Variants in NTN1 observed in about 807,000 individuals in gnomAD.
NTN1 encodes the protein netrin-1.
Under a neutral mutation model 54.2 loss-of-function variants are expected in NTN1, and 11 were observed. That is an observed-to-expected ratio of 0.20 (90% CI 0.13 to 0.34). The LOEUF (loss-of-function observed/expected upper bound fraction) is 0.34, where lower values mean the gene tolerates loss of function less well. Among genes scored for constraint, NTN1 ranks in the 10% least tolerant of loss-of-function variants. The pLI, the probability that NTN1 is intolerant of heterozygous loss-of-function variation, is 1.00. For missense variants in NTN1, 740 were observed against 893.1 expected (o/e 0.83, Z 2.18); for synonymous variants, 371 against 382.0 (o/e 0.97, Z 0.33).
intron 2 of NTN1, among the ~76,000 whole-genome samples, chr17:9,140,231 C>T (rs1320134767): frequency 6.6e-6 from 1 of 152,038 alleles, no homozygotes; most frequent in Non-Finnish European, 1.5e-5. Context: ...TGCTCTGGGC[C>T]ACCAGGAAAG....
rs2142297131 is a variant in NTN1, at chr17:9,160,909, A to G, written c.1019-1904A>G. On this transcript the variant is annotated intron_variant, in intron 2 of 6. Transcript: ENST00000173229. ...GAGACAGAGGTCTCAGTGAGCCAAG[A>G]TCTGTGCCATTGCACTCCAGCCTGG... Among the ~76,000 whole-genome samples the G allele has an allele frequency of 2.6e-5, 4 of 152,328 alleles. No individual in the cohort carries two copies. The Middle Eastern group carries it at 0.01, about 389-fold the overall frequency.
At chr17:9,010,208 A>G in the NTN1 span, among the ~76,000 whole-genome samples, 2 of 152,214 alleles carry the variant, frequency 1.3e-5, 1 homozygote, top group African/African-American at 4.8e-5. Flanking sequence ...ACCTAAGGTT[A>G]TAAAGTCTTG....
intron 2 of NTN1, among the ~76,000 whole-genome samples, chr17:9,145,194 A>G (rs2092310022): frequency 6.6e-6 from 1 of 152,224 alleles, no homozygotes; most frequent in African/African-American, 2.4e-5. Context: ...CTGGGGAATT[A>G]GCCACATCCA....
intron 2 of NTN1, among the ~76,000 whole-genome samples, chr17:9,053,799 A>G (rs2091968622): frequency 6.6e-6 from 1 of 152,252 alleles, no homozygotes; most frequent in South Asian, 2.1e-4. Context: ...AACCCAAATG[A>G]AATGACCAGC....
At chr17:9,038,800 T>A (rs2091911945) in intron 2 of NTN1, among the ~76,000 whole-genome samples, 1 of 152,152 alleles carries the variant, frequency 6.6e-6, no homozygotes, top group South Asian at 2.1e-4. Flanking sequence ...TTCATTAAAT[T>A]TTTTTAAACT....
At chr17:9,082,241 A>C (rs1216805179) in intron 2 of NTN1, among the ~76,000 whole-genome samples, 1 of 152,024 alleles carries the variant, frequency 6.6e-6, no homozygotes, top group Non-Finnish European at 1.5e-5. Flanking sequence ...TTGTATTTTT[A>C]ATAGAGACGG....
intron 5 of NTN1, among the ~76,000 whole-genome samples, chr17:9,213,060 C>A (rs1310607449): frequency 4.6e-5 from 7 of 152,196 alleles, no homozygotes; most frequent in Non-Finnish European, 1.0e-4. Context: ...GGGATTGGGC[C>A]TGCAGGCCAC....
At chr17:9,234,263 C>T (rs1318353165) in intron 6 of NTN1, among the ~76,000 whole-genome samples, 1 of 152,204 alleles carries the variant, frequency 6.6e-6, no homozygotes, top group African/African-American at 2.4e-5. Flanking sequence ...TCCTGTGAAC[C>T]CCAGAATTGC....
intron 6 of NTN1, among the ~76,000 whole-genome samples, chr17:9,224,416 G>A (rs563417180): frequency 1.3e-5 from 2 of 152,278 alleles, no homozygotes; most frequent in African/African-American, 2.4e-5. Context: ...GGGTGCCATC[G>A]GACCCTCTGT....
intron 2 of NTN1, among the ~76,000 whole-genome samples, chr17:9,031,717 G>C (rs1274212651): frequency 1.3e-5 from 2 of 152,174 alleles, no homozygotes; most frequent in Non-Finnish European, 2.9e-5. Flanking sequence ...GGTTGAGGCA[G>C]GCAGATTATT....
intron 6 of NTN1, among the ~76,000 whole-genome samples, chr17:9,229,401 G>T (rs1391714869): frequency 1.2e-5 from 1 of 80,558 alleles, no homozygotes; most frequent in Non-Finnish European, 2.4e-5. Context: ...CACACACCTT[G>T]TGAGGGAGGG....
chr17:9,137,966 A>G (rs559574043), intron 2 of NTN1, among the ~76,000 whole-genome samples: 1 of 152,242 alleles, frequency 6.6e-6, no homozygotes, highest in Non-Finnish European at 1.5e-5. Context: ...GGGCTCTATC[A>G]AAATCCCGCT....
At position 9,211,581 on chromosome 17, in the gene NTN1, G is replaced by C. The variant is rs550589755; in HGVS notation, c.1412-9587G>C. ...CGAATGAATGGATGATAAATTCCTA[G>C]AAGTGCGGTTGCTGCGTTGGAGTAT... On this transcript the variant is annotated intron_variant, in intron 5 of 6. Coordinates refer to ENST00000173229, the MANE Select transcript of NTN1 (RefSeq NM_004822.3). The surrounding 1 kb of genome is among the most constrained non-coding windows in gnomAD (Gnocchi z 4.4). 6.6e-6 allele frequency among the ~76,000 whole-genome samples: 1 copy of C among 152,228 alleles called. No homozygotes were observed. Among genetic ancestry groups the C allele is most frequent in the Non-Finnish European group, 1.5e-5 (1 of 68,050 alleles).
chr17:9,030,610 T>C (rs1452143171), intron 2 of NTN1, among the ~76,000 whole-genome samples: 1 of 152,056 alleles, frequency 6.6e-6, no homozygotes, highest in East Asian at 1.9e-4. Context: ...TCAGGCGTGG[T>C]GGCACGTGCC....
intron 2 of NTN1, among the ~76,000 whole-genome samples, chr17:9,045,984 AAC>A (rs1267958421): frequency 6.6e-6 from 1 of 152,250 alleles, no homozygotes; most frequent in Non-Finnish European, 1.5e-5. Flanking sequence ...GGAGAATTTC[AAC>A]AGAGTGGTCC....
At chr17:9,193,938 A>AAAAAAAAAAAAAAAAAAAAAAAAATAAC (rs796452392) in intron 5 of NTN1, among the ~76,000 whole-genome samples, 1 of 108,306 alleles carries the variant, frequency 9.2e-6, no homozygotes, top group Non-Finnish European at 1.9e-5. Context: ...AAAAAAAAAA[A>AAAAAAAAAAAAAAAAAAAAAAAAATAAC]AAAAAACATT....
At position 9,182,771 on chromosome 17, in the gene NTN1, C is replaced by A; in HGVS notation, c.1358-145C>A. The A allele has an allele frequency of 3.5e-6, 3 of 846,906 alleles. No homozygotes were observed. The South Asian group carries it at 4.2e-5, about 12-fold the overall frequency. 52.5% of individuals were successfully genotyped at this position (846,906 alleles called of 1,614,324 possible). ...AGCTTCTGCTCTTCTGACTTTTCTCCTCTTGAGCCAAGGAGTGGGAAACGG... is the reference window on the plus strand; with the variant it reads ...AGCTTCTGCTCTTCTGACTTTTCTCATCTTGAGCCAAGGAGTGGGAAACGG... On this transcript the variant is annotated intron_variant, in intron 4 of 6. Transcript: ENST00000173229.
Position 9,212,420 on chromosome 17 carries a change from A to G in NTN1, c.1412-8748A>G, listed in dbSNP as rs1369303995. Among the ~76,000 whole-genome samples, 1 of 151,970 alleles carries G rather than the reference A, an allele frequency of 6.6e-6. No homozygotes were observed. The highest frequency in any genetic ancestry group is 2.4e-5 in the African/African-American group (1 of 41,354). On this transcript the variant is annotated intron_variant, in intron 5 of 6. Transcript: ENST00000173229. The surrounding 1 kb of genome is among the most constrained non-coding windows in gnomAD (Gnocchi z 5.5). ...GAAAACCGAACACATGGAAATCTGGACTCTCTGGCCGCGGAGATTCCATGC... is the reference window on the plus strand; with the variant it reads ...GAAAACCGAACACATGGAAATCTGGGCTCTCTGGCCGCGGAGATTCCATGC...
At chr17:9,140,875 A>G (rs896497579) in intron 2 of NTN1, among the ~76,000 whole-genome samples, 2 of 152,202 alleles carry the variant, frequency 1.3e-5, no homozygotes, top group Non-Finnish European at 2.9e-5. Context: ...GACTTGGACT[A>G]GGGAAAGAAG....
Sources: allele counts gnomAD v4.1 joint callset (sites outside exome capture counted in the v4.1 genomes callset), GRCh38; gene constraint gnomAD v4.1.1; non-coding constraint Gnocchi (gnomAD v3.1); transcripts MANE v1.5; gene names NCBI Gene and HGNC (gene_info 2026-07-23, HGNC 2026-07-21).